Variants in ABI2 observed in about 807,000 individuals in gnomAD.
ABI2 encodes the protein abl interactor 2.
ABI2 carries 25 observed loss-of-function variants against 59.2 expected under a neutral mutation model. The observed-to-expected ratio is 0.42, with a 90% confidence interval of 0.31 to 0.59. The LOEUF (loss-of-function observed/expected upper bound fraction) is 0.59, where lower values mean the gene tolerates loss of function less well. Among genes scored for constraint, ABI2 ranks in the 20% least tolerant of loss-of-function variants. The pLI is 0.14. For missense variants in ABI2, 545 were observed against 681.8 expected (o/e 0.80, Z 2.23); for synonymous variants, 213 against 235.5 (o/e 0.90, Z 0.87).
chr2:203,334,700 G>A (rs910829442), intron 1 of ABI2, among the ~76,000 whole-genome samples: 6 of 149,104 alleles, frequency 4.0e-5, no homozygotes, highest in South Asian at 2.1e-4. Context: ...AGTCTCTGTC[G>A]CCCAGGCTGG....
At chr2:203,345,833 A>G (rs1161942536) in intron 1 of ABI2, among the ~76,000 whole-genome samples, 1 of 151,214 alleles carries the variant, frequency 6.6e-6, no homozygotes, top group Non-Finnish European at 1.5e-5. Flanking sequence ...GGCGTGAGGC[A>G]CTGTGCCCAG....
At chr2:203,358,253 C>T (rs1335199097) in intron 1 of ABI2, among the ~76,000 whole-genome samples, 1 of 152,090 alleles carries the variant, frequency 6.6e-6, no homozygotes, top group Non-Finnish European at 1.5e-5. Flanking sequence ...TCTCTGCCTC[C>T]CAAGTAGCTG....
intron 2 of ABI2, among the ~76,000 whole-genome samples, chr2:203,368,985 T>A (rs12693986): frequency 0.79 from 12,211 of 15,532 alleles, 4,702 homozygotes; most frequent in Middle Eastern, 0.89. Flanking sequence ...GCTTGGCTGA[T>A]TTTTTTTTTT....
chr2:203,348,146 C>T (rs926523782), intron 1 of ABI2, among the ~76,000 whole-genome samples: 1 of 152,102 alleles, frequency 6.6e-6, no homozygotes, highest in African/African-American at 2.4e-5. Context: ...GAGGCTCAGG[C>T]AGGAGAATCG....
intron 1 of ABI2, among the ~76,000 whole-genome samples, chr2:203,345,077 G>A (rs1249296451): frequency 6.6e-6 from 1 of 152,136 alleles, no homozygotes; most frequent in African/African-American, 2.4e-5. Flanking sequence ...TCCATGCTGT[G>A]GAAGCTTTCT....
At chr2:203,388,421 G>T (rs1260684774) in intron 4 of ABI2, among the ~76,000 whole-genome samples, 1 of 152,136 alleles carries the variant, frequency 6.6e-6, no homozygotes, top group African/African-American at 2.4e-5. Context: ...GGTGGCTCAT[G>T]CCTGTAATCC....
intron 11 of ABI2, among the ~76,000 whole-genome samples, chr2:203,419,845 G>A (rs1478988454): frequency 1.3e-4 from 20 of 152,098 alleles, no homozygotes; most frequent in African/African-American, 4.6e-4. Context: ...AAAATTAGCT[G>A]GGCATGGTGA....
At chr2:203,413,544 A>G (rs1247561017) in intron 10 of ABI2, among the ~76,000 whole-genome samples, 1 of 152,090 alleles carries the variant, frequency 6.6e-6, no homozygotes, top group African/African-American at 2.4e-5. Flanking sequence ...TGCCTTTTGG[A>G]TTGGTCTTTT....
At chr2:203,386,270 T>G (rs1270238923) in intron 4 of ABI2, among the ~76,000 whole-genome samples, 1 of 151,964 alleles carries the variant, frequency 6.6e-6, no homozygotes, top group African/African-American at 2.4e-5. Context: ...CCCTCTTCTA[T>G]TTGTGTGTTT....
chr2:203,431,926 T>TAAAC lies in ABI2; in HGVS notation c.*4577_*4580dup, dbSNP rs1553615780. The stretch of plus-strand genomic sequence containing the variant: ...TTAAAATGGCTTACAAAAAAGAATG[T>TAAAC]AAACAATTTGTGATCTGGCCAGTTG... On this transcript the variant is annotated 3_prime_UTR_variant, in exon 12 of 12. Coordinates refer to ENST00000261018, the MANE Select transcript of ABI2 (RefSeq NM_001375670.1). 3 of 152,184 alleles carry TAAAC rather than the reference T, an allele frequency of 2.0e-5. No homozygotes were observed. Among genetic ancestry groups the TAAAC allele is most frequent in the Admixed American group, 1.3e-4 (2 of 15,282 alleles). 9.4% of individuals were successfully genotyped at this position (152,184 alleles called of 1,614,324 possible). A position where few individuals can be genotyped will look rare whatever the true frequency, so the allele number is the denominator to read the frequency against.
intron 2 of ABI2, among the ~76,000 whole-genome samples, chr2:203,378,855 A>T (rs1015391471): frequency 5.3e-5 from 8 of 151,928 alleles, no homozygotes; most frequent in Admixed American, 2.0e-4. Flanking sequence ...ACAGGAAAAA[A>T]TTTTTTTTAC....
intron 2 of ABI2, among the ~76,000 whole-genome samples, chr2:203,372,339 G>A (rs1016214741): frequency 9.2e-5 from 14 of 152,306 alleles, no homozygotes; most frequent in Admixed American, 9.1e-4. Context: ...TTTCTACACA[G>A]ACACGGCAAC....
chr2:203,386,961 G>A (rs1020388234), intron 4 of ABI2, among the ~76,000 whole-genome samples: 13 of 151,594 alleles, frequency 8.6e-5, no homozygotes, highest in African/African-American at 2.9e-4. Flanking sequence ...TTTATTTTAG[G>A]CATGTGAGTC....
chr2:203,424,940 C>T lies in ABI2; in HGVS notation c.1454-2237C>T, dbSNP rs555943700. On this transcript the variant is annotated intron_variant, in intron 11 of 11. Transcript: ENST00000261018. ...AGGCTAGAGTGCAGTGGGAAAATCA[C>T]GGCTTATTTCAGCCTCAACTTTGCT... Among the ~76,000 whole-genome samples the T allele has an allele frequency of 9.2e-5, 14 of 151,782 alleles. 1 individual carries two copies. The highest frequency in any genetic ancestry group is 3.4e-4 in the African/African-American group (14 of 41,280).
chr2:203,330,207 ACCC>A (rs2072150357), intron 1 of ABI2, among the ~76,000 whole-genome samples: 1 of 12,388 alleles, frequency 8.1e-5, no homozygotes, highest in Non-Finnish European at 5.6e-4. Flanking sequence ...TTTGAGAATG[ACCC>A]GAACCACTGT....
intron 4 of ABI2, chr2:203,386,640 C>CTTT (rs537240194): frequency 0.012 from 1,484 of 121,712 alleles, 61 homozygotes; most frequent in African/African-American, 0.045. Context: ...GTAGACATTG[C>CTTT]TTTTTTTTTT....
chr2:203,334,914 G>A (rs2075760212), intron 1 of ABI2, among the ~76,000 whole-genome samples: 2 of 152,270 alleles, frequency 1.3e-5, no homozygotes, highest in South Asian at 2.1e-4. Context: ...GCCCGCCTCG[G>A]CCTCCCAAAG....
intron 11 of ABI2, among the ~76,000 whole-genome samples, chr2:203,424,831 T>A (rs562081071): frequency 6.6e-6 from 1 of 152,276 alleles, no homozygotes; most frequent in South Asian, 2.1e-4. Context: ...TTATAAACAG[T>A]CTCTGGAATC....
chr2:203,363,560 A>G (rs2093861480), intron 1 of ABI2, among the ~76,000 whole-genome samples: 1 of 149,620 alleles, frequency 6.7e-6, no homozygotes, highest in African/African-American at 2.5e-5. Context: ...TCTGGTAACC[A>G]TCCTTCTACT....
Sources: gnomAD v4.1 joint callset for allele counts (sites outside exome capture counted in the v4.1 genomes callset) on GRCh38, gnomAD v4.1.1 for gene constraint, MANE v1.5 for transcripts, NCBI Gene and HGNC (gene_info 2026-07-23, HGNC 2026-07-21) for gene names.